ZC3H18: variants seen among roughly 807,000 people sequenced by gnomAD.
The protein encoded by ZC3H18 is zinc finger CCCH domain-containing protein 18.
Under a neutral mutation model 106.1 loss-of-function variants are expected in ZC3H18, and 8 were observed. The observed-to-expected ratio is 0.08, with a 90% CI of 0.04 to 0.14. ZC3H18 has a LOEUF of 0.14. ZC3H18 is among the 10% of genes least tolerant of loss of function. The probability of loss-of-function intolerance (pLI) is 1.00; values close to 1 mark genes in which losing one functional copy is unlikely to be tolerated. For missense variants in ZC3H18, 1,318 were observed against 1,278.4 expected (o/e 1.03, Z -0.47); for synonymous variants, 635 against 522.1 (o/e 1.22, Z -2.95).
In ZC3H18 at chr16:88,577,133, G is replaced by T; in HGVS notation, c.10G>T (p.Ala4Ser). ...AGAACCGTGGGTACCGATGGATGTG[G>T]CCGAGAGCCCTGAACGGGATCCTCA... MDV[A>S]ESPERDPHSP... is the part of the protein sequence containing the mutation. Residue 4 changes from alanine to serine, a missense_variant, in exon 2 of 18, where the codon GCC becomes TCC. Ala to Ser is a moderately conservative substitution (Grantham distance 99). This residue lies in a region of ZC3H18 where 346 missense variants were observed against 269.0 expected (regional missense o/e 1.29). Coordinates refer to ENST00000301011, the MANE Select transcript of ZC3H18 (RefSeq NM_144604.4). 1 of 1,548,260 alleles carries T rather than the reference G, an allele frequency of 6.5e-7. No homozygotes were observed.
rs144456538 is a variant in ZC3H18, at chr16:88,613,268, G to A, written c.1475+1732G>A. Among the ~76,000 whole-genome samples the A allele has an allele frequency of 5.9e-5, 9 of 152,358 alleles. No individual in the cohort carries two copies. The South Asian group carries it at 1.2e-3, about 21-fold the overall frequency. ...TTTCTCTGTTCGTCTGTTGATGGACGTTGGGTTGTTTCCAGCTTTTGGCTG... is the reference window on the plus strand; with the variant it reads ...TTTCTCTGTTCGTCTGTTGATGGACATTGGGTTGTTTCCAGCTTTTGGCTG... On this transcript the variant is annotated intron_variant, in intron 8 of 17. Coordinates refer to ENST00000301011, the MANE Select transcript of ZC3H18 (RefSeq NM_144604.4).
intron 17 of ZC3H18, 30 bp from the exon 18 acceptor site, chr16:88,631,071 G>T (rs1173115061): frequency 6.2e-7 from 1 of 1,610,122 alleles, no homozygotes; most frequent in Non-Finnish European, 8.5e-7. Context: ...TGGCTTCTGG[G>T]GGCTCAAGGT....
At chr16:88,610,965 T>A (rs1280042801) in intron 7 of ZC3H18, among the ~76,000 whole-genome samples, 1 of 152,272 alleles carries the variant, frequency 6.6e-6, no homozygotes, top group Non-Finnish European at 1.5e-5. Flanking sequence ...AGTTTGTGTT[T>A]GCTCTAATTT....
chr16:88,620,202 A>G (rs1299218438), intron 8 of ZC3H18, among the ~76,000 whole-genome samples: 1 of 152,260 alleles, frequency 6.6e-6, no homozygotes, highest in Non-Finnish European at 1.5e-5. Flanking sequence ...CGTGTGACGT[A>G]AGCAGATGCT....
At chr16:88,622,600 G>T in intron 9 of ZC3H18, 1 of 571,074 alleles carries the variant, frequency 1.8e-6, no homozygotes, top group Non-Finnish European at 3.0e-6. Context: ...ACCCCAAATG[G>T]GGCACAGACC....
intron 2 of ZC3H18, among the ~76,000 whole-genome samples, chr16:88,581,650 C>G (rs921846179): frequency 6.6e-6 from 1 of 152,238 alleles, no homozygotes; most frequent in South Asian, 2.1e-4. Flanking sequence ...AGTCACCGGT[C>G]TCTTACCTGT....
At chr16:88,623,623 G>C in intron 10 of ZC3H18, 1 of 574,148 alleles carries the variant, frequency 1.7e-6, no homozygotes, top group Non-Finnish European at 3.0e-6. Flanking sequence ...CGAGGAAGGG[G>C]CCAGACCCAG....
In ZC3H18 at chr16:88,630,556, A is replaced by G. The variant is rs1160822662; in HGVS notation, c.2638A>G (p.Lys880Glu). The change falls in exon 17 of 18, where the codon AAA becomes GAA. Residue 880 changes from lysine to glutamate, a missense_variant. Around this residue, in one of 6 missense-constraint regions of ZC3H18, gnomAD observed 848 missense variants for 821.7 expected, o/e 1.03. Transcript: ENST00000301011. The part of the protein sequence containing the change: ...KPERQRGQNS[K>E]APAAPADRKR... ...AGAGCGGCAGAGAGGCCAGAACTCC[A>G]AAGCCCCTGCAGCCCCGGCTGACAG... The G allele has an allele frequency of 6.2e-7, 1 of 1,610,654 alleles. No homozygotes were observed. Among genetic ancestry groups the G allele is most frequent in the East Asian group, 2.2e-5 (1 of 44,838 alleles).
chr16:88,611,561 G>T, intron 8 of ZC3H18, 25 bp downstream of exon 8: 1 of 1,545,892 alleles, frequency 6.5e-7, no homozygotes, highest in Non-Finnish European at 8.7e-7. Flanking sequence ...CTGAAGCCCA[G>T]GGGTGTGGGG....
At chr16:88,622,907 G>GAC (rs1279906614) in intron 9 of ZC3H18, 6 of 394,626 alleles carry the variant, frequency 1.5e-5, no homozygotes, top group Non-Finnish European at 2.8e-5. Flanking sequence ...TGAACAGATA[G>GAC]ACACACACAC....
chr16:88,630,653 G>A lies in ZC3H18; in HGVS notation c.2663+72G>A, dbSNP rs1906607465. On this transcript the variant is annotated intron_variant, in intron 17 of 17. Transcript: ENST00000301011. ...CCCAGTCGCTTCCCCAGGGAGGCCAGCAGCAGCAGGGCTAGCACTGGGCCA... is the reference window on the plus strand; with the variant it reads ...CCCAGTCGCTTCCCCAGGGAGGCCAACAGCAGCAGGGCTAGCACTGGGCCA... 2.3e-6 allele frequency: 3 copies of A among 1,292,200 alleles called. No homozygotes were observed. In the East Asian group the frequency reaches 7.7e-5, roughly 33 times the overall value. 80.0% of individuals were successfully genotyped at this position (1,292,200 alleles called of 1,614,324 possible).
chr16:88,624,504 A>C, intron 11 of ZC3H18, 98 bp from the exon 12 acceptor site: 3 of 1,563,710 alleles, frequency 1.9e-6, no homozygotes, highest in Non-Finnish European at 2.6e-6. Flanking sequence ...ACAGGCATGC[A>C]GTGTCGTTCC....
Position 88,622,056 on chromosome 16 carries a change from T to A in ZC3H18, c.1476-141T>A, listed in dbSNP as rs1031606125. ...GATGGGTTTTGTGAGTGGCCTTTTT[T>A]CCCCTTAGGACCCTTTGTTTCTCAG... is the stretch of plus-strand genomic sequence containing the variant. On this transcript the variant is annotated intron_variant, in intron 8 of 17. Transcript: ENST00000301011. 1.2e-5 allele frequency: 12 copies of A among 1,018,540 alleles called. No individual in the cohort carries two copies. The African/African-American group carries it at 2.0e-4, about 17-fold the overall frequency. The allele number at this position is 1,018,540 out of a possible 1,614,324, so 63.1% of individuals were successfully genotyped here.
chr16:88,582,797 C>T (rs1215989787), intron 2 of ZC3H18, among the ~76,000 whole-genome samples: 1 of 152,236 alleles, frequency 6.6e-6, no homozygotes, highest in Non-Finnish European at 1.5e-5. Context: ...CACCTGGTGG[C>T]AGACCTGGCC....
chr16:88,576,977 A>C, intron 1 of ZC3H18, 133 bp from the exon 2 acceptor site: 1 of 805,988 alleles, frequency 1.2e-6, no homozygotes, highest in Non-Finnish European at 1.9e-6. Context: ...TGCAGAGTGG[A>C]GTGTGGGATT....
intron 9 of ZC3H18, 62 bp from the exon 10 acceptor site, chr16:88,623,155 CAG>C (rs1906075208): frequency 6.3e-7 from 1 of 1,576,296 alleles, no homozygotes; most frequent in Admixed American, 1.8e-5. Context: ...ATGTGTGCGT[CAG>C]GGCGTGTGGG....
rs1222357535 is a variant in ZC3H18, at chr16:88,622,399, C to T, written c.1667+11C>T. ...CTCTAATTCCTCCAGGTAAGGAGGG[C>T]TCGTGGGACGGCTGGGGTGTCAGCA... On this transcript the variant is annotated intron_variant, in intron 9 of 17. Coordinates refer to ENST00000301011, the MANE Select transcript of ZC3H18 (RefSeq NM_144604.4). 16 of 1,594,750 alleles carry T rather than the reference C, an allele frequency of 1.0e-5. No individual in the cohort carries two copies. The highest frequency in any genetic ancestry group is 2.7e-5 in the African/African-American group (2 of 74,440).
Position 88,577,177 on chromosome 16 carries a change from G to A in ZC3H18, c.54G>A (p.Glu18=). The A allele has an allele frequency of 2.5e-6, 4 of 1,605,090 alleles. No individual in the cohort carries two copies. The highest frequency in any genetic ancestry group is 3.4e-6 in the Non-Finnish European group (4 of 1,174,642). Reference sequence around the variant, plus strand: ...ATCCTCACTCTCCAGAGGATGAAGAGCAGCCACAGGGACTCTCGGACGATG... The same window carrying A: ...ATCCTCACTCTCCAGAGGATGAAGAACAGCCACAGGGACTCTCGGACGATG... ...ERDPHSPEDE[E]QPQGLSDDDI... is the part of the protein sequence containing the mutation. Residue 18 remains glutamate (E), a synonymous_variant, in exon 2 of 18, where the codon GAG becomes GAA. Coordinates refer to ENST00000301011, the MANE Select transcript of ZC3H18 (RefSeq NM_144604.4).
chr16:88,604,223 G>A (rs766083884), intron 6 of ZC3H18, among the ~76,000 whole-genome samples: 37 of 152,036 alleles, frequency 2.4e-4, no homozygotes, highest in Non-Finnish European at 4.9e-4. Flanking sequence ...ATGGTGGCAC[G>A]CACCTGTAGT....
Sources: allele counts gnomAD v4.1 joint callset (sites outside exome capture counted in the v4.1 genomes callset), GRCh38; gene constraint gnomAD v4.1.1; regional missense constraint gnomAD v4.1.1; transcripts MANE v1.5; gene names NCBI Gene and HGNC (gene_info 2026-07-23, HGNC 2026-07-21).